Variants in PTPDC1 observed in about 807,000 individuals in gnomAD.
The protein encoded by PTPDC1 is protein tyrosine phosphatase domain containing 1.
In PTPDC1, 53 loss-of-function variants were observed where a neutral mutation model predicts 75.3. That is an observed-to-expected ratio of 0.70 (90% CI 0.56 to 0.88). The LOEUF (loss-of-function observed/expected upper bound fraction) is 0.88. PTPDC1 is among the 40% of genes least tolerant of loss of function. The probability of loss-of-function intolerance (pLI) is 0.00; values close to 1 mark genes in which losing one functional copy is unlikely to be tolerated. For synonymous variants in PTPDC1, 349 were observed against 366.2 expected (o/e 0.95, Z 0.54); for missense variants, 925 against 998.6 (o/e 0.93, Z 0.99).
intron 1 of PTPDC1, among the ~76,000 whole-genome samples, chr9:94,031,707 T>C (rs112634441): frequency 2.6e-5 from 4 of 152,242 alleles, no homozygotes; most frequent in African/African-American, 4.8e-5. Context: ...CAAGCAGATA[T>C]ACGTTATACC....
intron 4 of PTPDC1, among the ~76,000 whole-genome samples, chr9:94,094,995 T>C (rs1157731460): frequency 6.6e-6 from 1 of 152,250 alleles, no homozygotes; most frequent in African/African-American, 2.4e-5. Flanking sequence ...CCTAATGAGA[T>C]GAACCCGGTA....
At chr9:94,076,435 T>A (rs1391091327) in intron 2 of PTPDC1, among the ~76,000 whole-genome samples, 2 of 152,210 alleles carry the variant, frequency 1.3e-5, no homozygotes, top group Non-Finnish European at 1.5e-5. Context: ...TGGAACCATA[T>A]AAATATGTGG....
rs566735684 is a variant in PTPDC1 at position 94,032,216 on chromosome 9, A to G, written c.-7+1089A>G. Among the ~76,000 whole-genome samples, 3 of 152,312 alleles carry G rather than the reference A, an allele frequency of 2.0e-5. No homozygotes were observed. The East Asian group carries it at 5.8e-4, about 29-fold the overall frequency. On this transcript the variant is annotated intron_variant, in intron 1 of 9. Coordinates refer to the PTPDC1 transcript ENST00000375360. ...CAGTTGTGTCCAGACCTCTTAGTGC[A>G]CAAGAATTCCACCTTGTGGCTTTTT...
chr9:94,089,069 T>A (rs1260224481), intron 4 of PTPDC1, among the ~76,000 whole-genome samples: 1 of 150,068 alleles, frequency 6.7e-6, no homozygotes, highest in Non-Finnish European at 1.5e-5. Flanking sequence ...CATTTTTATT[T>A]TATTTTTTTT....
chr9:94,036,427 C>G (rs117946146), intron 1 of PTPDC1, among the ~76,000 whole-genome samples: 2,287 of 152,020 alleles, frequency 0.015, 26 homozygotes, highest in South Asian at 0.027. Flanking sequence ...ATCTAGTTTT[C>G]CCAACACGAT....
intron 2 of PTPDC1, among the ~76,000 whole-genome samples, chr9:94,068,232 C>T (rs1041655202): frequency 6.6e-6 from 1 of 152,066 alleles, no homozygotes; most frequent in Non-Finnish European, 1.5e-5. Flanking sequence ...AAAAGAACTC[C>T]TACATTCTGT....
intron 7 of PTPDC1, among the ~76,000 whole-genome samples, chr9:94,102,205 T>G (rs1166749287): frequency 6.6e-6 from 1 of 152,158 alleles, no homozygotes; most frequent in African/African-American, 2.4e-5. Context: ...TTCTACTTAT[T>G]TGCTGTGAGC....
In PTPDC1 at chr9:94,048,298, G is replaced by C. The variant is rs113108343; in HGVS notation, c.-6-16436G>C. ...TCCAGTTCTTTTAATTGTGATGTTA[G>C]GGTGTCAATTTTAGATCCTTCCTGC... On this transcript the variant is annotated intron_variant, in intron 1 of 9. Transcript: ENST00000375360. Among the ~76,000 whole-genome samples the C allele has an allele frequency of 6.0e-3, 918 of 152,190 alleles. 11 individuals are homozygous for C. The highest frequency in any genetic ancestry group is 0.021 in the African/African-American group (860 of 41,504).
chr9:94,056,432 T>TA (rs1371180792), intron 1 of PTPDC1, among the ~76,000 whole-genome samples: 1 of 152,208 alleles, frequency 6.6e-6, no homozygotes, highest in Non-Finnish European at 1.5e-5. Flanking sequence ...GAGGGCCTCT[T>TA]ACGTCAGAAT....
chr9:94,084,878 A>G (rs1827015615), intron 1 of PTPDC1, 104 bp downstream of exon 1: 4 of 807,572 alleles, frequency 5.0e-6, no homozygotes, highest in Non-Finnish European at 5.9e-6. Flanking sequence ...AGTTTATTCT[A>G]TATTATACTT....
intron 1 of PTPDC1, among the ~76,000 whole-genome samples, chr9:94,041,181 T>G (rs2118407809): frequency 6.6e-6 from 1 of 152,330 alleles, no homozygotes; most frequent in Middle Eastern, 3.4e-3. Flanking sequence ...TTTTCTTTCC[T>G]TTGAGCAAAA....
intron 7 of PTPDC1, among the ~76,000 whole-genome samples, chr9:94,103,511 C>T (rs570147722): frequency 6.6e-6 from 1 of 152,150 alleles, no homozygotes; most frequent in Non-Finnish European, 1.5e-5. Context: ...GGGCAATTCA[C>T]CTAGGGCATT....
At chr9:94,097,249 C>T (rs979150871) in intron 5 of PTPDC1, 72 bp from the exon 6 acceptor site, 1 of 984,368 alleles carries the variant, frequency 1.0e-6, no homozygotes, top group South Asian at 1.7e-5. Context: ...TGTAAATCAT[C>T]AAAGAGTGAT....
chr9:94,092,049 A>G (rs1254575537), intron 4 of PTPDC1, among the ~76,000 whole-genome samples: 1 of 149,598 alleles, frequency 6.7e-6, no homozygotes, highest in Non-Finnish European at 1.5e-5. Flanking sequence ...TGGATTCATT[A>G]ATTTATTGAA....
chr9:94,056,633 C>T (rs1462463578), intron 1 of PTPDC1, among the ~76,000 whole-genome samples: 1 of 152,142 alleles, frequency 6.6e-6, no homozygotes, highest in African/African-American at 2.4e-5. Flanking sequence ...AGAAAATACA[C>T]ATGTAGATTT....
At chr9:94,088,856 A>G (rs1827171375) in intron 4 of PTPDC1, among the ~76,000 whole-genome samples, 2 of 152,180 alleles carry the variant, frequency 1.3e-5, no homozygotes, top group Admixed American at 1.3e-4. Flanking sequence ...TATTTACACT[A>G]GATAGAAAAT....
intron 4 of PTPDC1, among the ~76,000 whole-genome samples, chr9:94,094,392 G>A: frequency 6.6e-6 from 1 of 151,958 alleles, no homozygotes. Context: ...GCTGTTCTGG[G>A]GTCAGGGGTC....
upstream of PTPDC1, chr9:94,084,308 G>C (rs1826984900): frequency 2.2e-6 from 1 of 456,910 alleles, no homozygotes. Context: ...CCCTATATTT[G>C]AACAATTTGT....
At chr9:94,045,969 T>A (rs1043566815) in intron 1 of PTPDC1, among the ~76,000 whole-genome samples, 1 of 152,256 alleles carries the variant, frequency 6.6e-6, no homozygotes, top group South Asian at 2.1e-4. Context: ...AGAGTTTTTA[T>A]GGTTTTAGGT....
Sources: allele counts gnomAD v4.1 joint callset (sites outside exome capture counted in the v4.1 genomes callset), GRCh38; gene constraint gnomAD v4.1.1; transcripts MANE v1.5; gene names NCBI Gene and HGNC (gene_info 2026-07-23, HGNC 2026-07-21).